TBCD: variants seen among roughly 807,000 people sequenced by gnomAD.
TBCD encodes tubulin folding cofactor D.
TBCD carries 105 observed loss-of-function variants against 169.3 expected under a neutral mutation model. The ratio of observed to expected loss-of-function variants is 0.62; its 90% CI spans 0.53 to 0.73. The LOEUF is 0.73. Ranked by LOEUF, TBCD falls within the 30% of genes least tolerant of loss-of-function variation. TBCD has a pLI of 0.00. For synonymous variants in TBCD, 700 were observed against 643.9 expected (o/e 1.09, Z -1.32); for missense variants, 1,444 against 1,600.1 (o/e 0.90, Z 1.66).
Position 82,938,214 on chromosome 17 carries a change from C to T in TBCD, c.3369+78C>T, listed in dbSNP as rs924499549. On this transcript the variant is annotated intron_variant, in intron 36 of 38. Coordinates refer to ENST00000355528, the MANE Select transcript of TBCD (RefSeq NM_005993.5). Reference sequence around the variant, plus strand: ...AGTGACAAGAAGGCCTTCGCTGGCACTGTTGTGTTGGTGTGCTTTCCAGCC... The same window carrying T: ...AGTGACAAGAAGGCCTTCGCTGGCATTGTTGTGTTGGTGTGCTTTCCAGCC... 3.4e-5 allele frequency: 50 copies of T among 1,464,400 alleles called. No individual in the cohort carries two copies. The African/African-American group carries it at 5.3e-4, about 16-fold the overall frequency. The allele number at this position is 1,464,400 out of a possible 1,614,324, so 90.7% of individuals were successfully genotyped here. A position where few individuals can be genotyped will look rare whatever the true frequency, so the allele number is the denominator to read the frequency against.
chr17:82,822,109 G>A (rs966738977), intron 13 of TBCD, among the ~76,000 whole-genome samples: 23 of 152,152 alleles, frequency 1.5e-4, no homozygotes, highest in African/African-American at 5.6e-4. Context: ...TGTGTTTTCT[G>A]GCTTCCAAAA....
chr17:82,756,312 CAA>C, intron 2 of TBCD, 97 bp downstream of exon 2: 1 of 1,271,142 alleles, frequency 7.9e-7, no homozygotes. Flanking sequence ...TTGCCAGGAT[CAA>C]ATGCCAAGAA....
chr17:82,766,211 T>C, intron 3 of TBCD, 56 bp from the exon 4 acceptor site: 1 of 1,467,720 alleles, frequency 6.8e-7, no homozygotes, highest in Non-Finnish European at 9.3e-7. Context: ...AGAAAGGCAA[T>C]TTTGCTGCTC....
chr17:82,852,989 C>T lies in TBCD; in HGVS notation c.1319-17235C>T, dbSNP rs376126797. Among the ~76,000 whole-genome samples, 37 of 152,266 alleles carry T rather than the reference C, an allele frequency of 2.4e-4. No individual in the cohort carries two copies. The East Asian group carries it at 3.5e-3, about 14-fold the overall frequency. ...TGAGGTTAGTGATGATGATGGAGAG[C>T]GGCTCCCGAGGACGAGAGCTCGTGA... On this transcript the variant is annotated intron_variant, in intron 13 of 38. Transcript: ENST00000355528.
chr17:82,760,680 A>G (rs1339325396), intron 2 of TBCD, among the ~76,000 whole-genome samples: 1 of 152,234 alleles, frequency 6.6e-6, no homozygotes, highest in African/African-American at 2.4e-5. Context: ...TTCTAAATAT[A>G]CATTTTAGTG....
intron 36 of TBCD, 66 bp downstream of exon 36, chr17:82,938,202 C>G (rs1383631005): frequency 4.7e-6 from 7 of 1,497,642 alleles, no homozygotes; most frequent in Non-Finnish European, 6.4e-6. Flanking sequence ...GACAAGAAGG[C>G]CTTCGCTGGC....
At chr17:82,766,846 A>G (rs1465144933) in intron 4 of TBCD, among the ~76,000 whole-genome samples, 11 of 152,238 alleles carry the variant, frequency 7.2e-5, no homozygotes, top group Non-Finnish European at 1.5e-4. Flanking sequence ...GGGGTCCTCC[A>G]GTTGGGTCCC....
At chr17:82,940,363 T>G (rs1324014406) in intron 37 of TBCD, among the ~76,000 whole-genome samples, 1 of 152,174 alleles carries the variant, frequency 6.6e-6, no homozygotes, top group Non-Finnish European at 1.5e-5. Context: ...GTGTCCTGCC[T>G]GTGGATGCTG....
At chr17:82,912,288 G>A (rs1047541306) in intron 23 of TBCD, among the ~76,000 whole-genome samples, 3 of 152,240 alleles carry the variant, frequency 2.0e-5, no homozygotes, top group African/African-American at 4.8e-5. Flanking sequence ...GAGTCCAGGC[G>A]AACCTCTGCG....
chr17:82,814,955 CA>C (rs763360792), intron 13 of TBCD, 21 bp downstream of exon 13: 21 of 1,610,146 alleles, frequency 1.3e-5, no homozygotes, highest in African/African-American at 4.0e-5. Context: ...GAGGCACGGT[CA>C]GGGGGGATGT....
In TBCD at chr17:82,933,472, T is replaced by A. The variant is rs547315648; in HGVS notation, c.3191+737T>A. On this transcript the variant is annotated intron_variant, in intron 34 of 38. Transcript: ENST00000355528. The stretch of plus-strand genomic sequence containing the variant: ...TTTCACTATGTTTCCCAGGCTGGTC[T>A]TGAACTCCTGGCCCCAAGTGCCTGC... Among the ~76,000 whole-genome samples, 4 of 152,196 alleles carry A rather than the reference T, an allele frequency of 2.6e-5. No homozygotes were observed. The East Asian group carries it at 7.7e-4, about 29-fold the overall frequency.
rs939977660 is a variant in TBCD at position 82,864,307 on chromosome 17, G to T, written c.1319-5917G>T. The T allele has an allele frequency of 1.3e-5, 2 of 152,288 alleles. No homozygotes were observed. The highest frequency in any genetic ancestry group is 4.8e-5 in the African/African-American group (2 of 41,472). 9.4% of individuals were successfully genotyped at this position (152,288 alleles called of 1,614,324 possible). Reference sequence around the variant, plus strand: ...CAGAAAGCTGCTGTGTGACCTGCGGGTGCCCAGCCTGTGGGGCTTCCTCAT... The same window carrying T: ...CAGAAAGCTGCTGTGTGACCTGCGGTTGCCCAGCCTGTGGGGCTTCCTCAT... On this transcript the variant is annotated intron_variant, in intron 13 of 38. Coordinates refer to ENST00000355528, the MANE Select transcript of TBCD (RefSeq NM_005993.5). The surrounding 1 kb of genome is among the most constrained non-coding windows in gnomAD (Gnocchi z 6.3).
At position 82,832,786 on chromosome 17, in the gene TBCD, C is replaced by T. The variant is rs1427883224; in HGVS notation, c.1318+17852C>T. 1 of 429,906 alleles carries T rather than the reference C, an allele frequency of 2.3e-6. No homozygotes were observed. The highest frequency in any genetic ancestry group is 4.3e-6 in the Non-Finnish European group (1 of 232,058). 26.6% of individuals were successfully genotyped at this position (429,906 alleles called of 1,614,324 possible). ...TCCTGAGGGGAGCAGCTGCCGGTCA[C>T]AGAAGCAGCCCTGCCCTACCCTTGG... On this transcript the variant is annotated intron_variant, in intron 13 of 38. Transcript: ENST00000355528. This position sits in a 1 kb window ranked among gnomAD's most constrained non-coding sequence, Gnocchi z 4.9.
At chr17:82,855,033 G>A (rs536654281) in intron 13 of TBCD, among the ~76,000 whole-genome samples, 4 of 152,014 alleles carry the variant, frequency 2.6e-5, no homozygotes, top group South Asian at 2.1e-4. Flanking sequence ...TTGGGGCGTC[G>A]CATCTCCCTG....
At chr17:82,861,640 A>G (rs564534005) in intron 13 of TBCD, among the ~76,000 whole-genome samples, 1 of 152,244 alleles carries the variant, frequency 6.6e-6, no homozygotes, top group East Asian at 1.9e-4. Flanking sequence ...AAATGCACAG[A>G]TGGATTTTGA....
chr17:82,903,339 T>C lies in TBCD; in HGVS notation c.1731-66T>C, dbSNP rs899840997. 1.4e-6 allele frequency: 2 copies of C among 1,465,038 alleles called. No individual in the cohort carries two copies. The allele number at this position is 1,465,038 out of a possible 1,614,324, so 90.8% of individuals were successfully genotyped here. On this transcript the variant is annotated intron_variant, in intron 18 of 38. Transcript: ENST00000355528. This position sits in a 1 kb window ranked among gnomAD's most constrained non-coding sequence, Gnocchi z 4.8. ...GTGTGTTGTCTCCCTCACTTTCTTT[T>C]TATGAATTGAATAAAGCTAGAATCA...
chr17:82,883,737 CCT>C (rs1179678748), intron 14 of TBCD, among the ~76,000 whole-genome samples: 2 of 152,218 alleles, frequency 1.3e-5, no homozygotes, highest in Admixed American at 1.3e-4. Flanking sequence ...GGTTTGCCCC[CCT>C]GTCCAAACGC....
chr17:82,917,595 G>A (rs1370865841), intron 23 of TBCD, among the ~76,000 whole-genome samples: 2 of 152,244 alleles, frequency 1.3e-5, no homozygotes, highest in African/African-American at 4.8e-5. Flanking sequence ...CTCTCCCAGA[G>A]AGACTTGATG....
chr17:82,921,542 C>T lies in TBCD; in HGVS notation c.2143C>T (p.His715Tyr), dbSNP rs1299913741. The T allele has an allele frequency of 1.2e-6, 2 of 1,613,964 alleles. No homozygotes were observed. The highest frequency in any genetic ancestry group is 1.7e-6 in the Non-Finnish European group (2 of 1,179,888). The change falls in exon 25 of 39, where the codon CAT (histidine) becomes TAT (tyrosine). Residue 715 changes from histidine (H) to tyrosine (Y), a missense_variant. Physicochemically the swap from His to Tyr is moderately conservative, Grantham distance 83 (BLOSUM62 2). Coordinates refer to ENST00000355528, the MANE Select transcript of TBCD (RefSeq NM_005993.5). ...WLINDTLRHL[H>Y]LISSHSRQQM... Reference sequence around the variant, plus strand: ...GATAAATGACACTTTGAGACATCTCCATCTCATCTCAAGTCACTCCCGCCA... The same window carrying T: ...GATAAATGACACTTTGAGACATCTCTATCTCATCTCAAGTCACTCCCGCCA...
Sources: allele counts gnomAD v4.1 joint callset (sites outside exome capture counted in the v4.1 genomes callset), GRCh38; gene constraint gnomAD v4.1.1; non-coding constraint Gnocchi (gnomAD v3.1); transcripts MANE v1.5; gene names NCBI Gene and HGNC (gene_info 2026-07-23, HGNC 2026-07-21).